Variants in TTC27 observed in about 807,000 individuals in gnomAD.
TTC27 encodes the protein tetratricopeptide repeat domain 27.
Under a neutral mutation model 115.9 loss-of-function variants are expected in TTC27, and 79 were observed. The ratio of observed to expected loss-of-function variants is 0.68; its 90% CI spans 0.57 to 0.82. The LOEUF is 0.82. Ranked by LOEUF, TTC27 falls within the 40% of genes least tolerant of loss-of-function variation. The pLI is 0.00. For missense variants in TTC27, 1,054 were observed against 993.1 expected, an observed-to-expected ratio of 1.06 and a Z score of -0.82; for synonymous variants, 401 against 356.0, an observed-to-expected ratio of 1.13 and a Z score of -1.42.
intron 18 of TTC27, among the ~76,000 whole-genome samples, chr2:32,813,521 C>T (rs2148049195): frequency 1.3e-5 from 2 of 152,252 alleles, no homozygotes; most frequent in South Asian, 4.1e-4. Flanking sequence ...AATACCTACC[C>T]ATGAAGAATA....
chr2:32,708,761 T>G (rs1667472603), intron 10 of TTC27, among the ~76,000 whole-genome samples: 1 of 152,074 alleles, frequency 6.6e-6, no homozygotes, highest in Non-Finnish European at 1.5e-5. Flanking sequence ...CTGTCTCTAA[T>G]GATAAGTGGA....
chr2:32,698,513 T>A (rs7575686), intron 9 of TTC27, among the ~76,000 whole-genome samples: 9,817 of 147,442 alleles, frequency 0.067, 586 homozygotes, highest in African/African-American at 0.16. Context: ...GGAGTCTCGC[T>A]CTGTCACGCA....
At chr2:32,636,294 G>A (rs1572460651) in intron 3 of TTC27, among the ~76,000 whole-genome samples, 2 of 152,152 alleles carry the variant, frequency 1.3e-5, no homozygotes, top group African/African-American at 4.8e-5. Context: ...GCTCACTGCA[G>A]TCTCTGCCTC....
At chr2:32,817,882 C>A (rs185851395) in intron 19 of TTC27, among the ~76,000 whole-genome samples, 2 of 152,144 alleles carry the variant, frequency 1.3e-5, no homozygotes, top group Admixed American at 1.3e-4. Flanking sequence ...ATGGTGAAAC[C>A]CCATCTCTAC....
chr2:32,792,942 C>T (rs1670585626), intron 16 of TTC27, among the ~76,000 whole-genome samples: 1 of 152,198 alleles, frequency 6.6e-6, no homozygotes, highest in Non-Finnish European at 1.5e-5. Flanking sequence ...GTGTTAGTTT[C>T]CCAGTCATTC....
At chr2:32,726,989 C>T (rs949230829) in intron 10 of TTC27, among the ~76,000 whole-genome samples, 32 of 152,220 alleles carry the variant, frequency 2.1e-4, no homozygotes, top group African/African-American at 7.5e-4. Context: ...TTCACAGTCA[C>T]GAGAACAGCA....
chr2:32,741,382 G>A (rs371368083), intron 12 of TTC27, among the ~76,000 whole-genome samples: 5 of 151,844 alleles, frequency 3.3e-5, no homozygotes, highest in African/African-American at 1.2e-4. Flanking sequence ...GGTGGCTCAC[G>A]CCTGTAATCC....
intron 10 of TTC27, among the ~76,000 whole-genome samples, chr2:32,724,018 C>T (rs997951490): frequency 3.2e-5 from 4 of 125,874 alleles, no homozygotes; most frequent in African/African-American, 1.2e-4. Flanking sequence ...GAGTTTAAAA[C>T]ATTCACTCAG....
intron 9 of TTC27, among the ~76,000 whole-genome samples, 178 bp downstream of exon 9, chr2:32,679,100 T>G (rs1666330149): frequency 6.6e-6 from 1 of 152,200 alleles, no homozygotes; most frequent in Admixed American, 6.5e-5. Context: ...TTTAAGAGTC[T>G]GCAACTCTTA....
At chr2:32,657,941 A>T (rs1242621140) in intron 5 of TTC27, among the ~76,000 whole-genome samples, 14 of 151,854 alleles carry the variant, frequency 9.2e-5, no homozygotes, top group Admixed American at 9.2e-4. Context: ...GTGATTCTCC[A>T]GCCTCAGCCT....
intron 12 of TTC27, among the ~76,000 whole-genome samples, chr2:32,743,395 ACCCAAGGCTTCAT>A (rs1291765173): frequency 6.6e-6 from 1 of 152,014 alleles, no homozygotes; most frequent in African/African-American, 2.4e-5. Flanking sequence ...TTTACCCCAA[ACCCAAGGCTTCAT>A]CCCTGACAGA....
At chr2:32,705,358 C>T (rs1667332480) in intron 10 of TTC27, among the ~76,000 whole-genome samples, 1 of 152,188 alleles carries the variant, frequency 6.6e-6, no homozygotes. Context: ...TACCAAGCCT[C>T]AGGTATTCCT....
At chr2:32,737,645 G>GTCTTTGAAT (rs1185195125) in intron 12 of TTC27, among the ~76,000 whole-genome samples, 1 of 152,048 alleles carries the variant, frequency 6.6e-6, no homozygotes, top group Non-Finnish European at 1.5e-5. Context: ...TCAGTTAATG[G>GTCTTTGAAT]CAGTGAAGGT....
intron 10 of TTC27, among the ~76,000 whole-genome samples, chr2:32,723,161 A>G (rs1470807414): frequency 6.6e-6 from 1 of 152,210 alleles, no homozygotes; most frequent in African/African-American, 2.4e-5. Context: ...AAGGCACTAA[A>G]TAATAACTTT....
At chr2:32,764,510 G>A (rs1489879701) in intron 13 of TTC27, among the ~76,000 whole-genome samples, 1 of 152,190 alleles carries the variant, frequency 6.6e-6, no homozygotes, top group Non-Finnish European at 1.5e-5. Flanking sequence ...CTGGTGGAAG[G>A]TCTTGTCTCA....
chr2:32,643,474 T>C (rs548487401), intron 4 of TTC27, among the ~76,000 whole-genome samples: 1 of 151,818 alleles, frequency 6.6e-6, no homozygotes, highest in Non-Finnish European at 1.5e-5. Context: ...CCTTGCTAAT[T>C]TTTTTGTACT....
intron 12 of TTC27, among the ~76,000 whole-genome samples, chr2:32,754,881 C>T (rs535090915): frequency 1.4e-5 from 2 of 146,674 alleles, no homozygotes; most frequent in African/African-American, 2.5e-5. Context: ...GGGGCTGACC[C>T]CCCCCACCTC....
At chr2:32,751,299 CACAT>C (rs1252448853) in intron 12 of TTC27, among the ~76,000 whole-genome samples, 10 of 146,320 alleles carry the variant, frequency 6.8e-5, no homozygotes, top group South Asian at 2.2e-4. Flanking sequence ...CACACACACA[CACAT>C]GCACACACAT....
intron 16 of TTC27, 152 bp from the exon 17 acceptor site, chr2:32,810,872 T>C (rs1671294226): frequency 1.3e-6 from 1 of 792,152 alleles, no homozygotes; most frequent in South Asian, 1.9e-5. Context: ...GATTGAATTT[T>C]ATTTTGCTTT....
Sources: gnomAD v4.1 joint callset for allele counts (sites outside exome capture counted in the v4.1 genomes callset) on GRCh38, gnomAD v4.1.1 for gene constraint, MANE v1.5 for transcripts, NCBI Gene and HGNC (gene_info 2026-07-23, HGNC 2026-07-21) for gene names.